Variants in MACROD2 observed in about 807,000 individuals in gnomAD.
MACROD2 encodes ADP-ribose glycohydrolase MACROD2.
Under a neutral mutation model 70.4 loss-of-function variants are expected in MACROD2, and 36 were observed. The observed-to-expected ratio is 0.51, with a 90% CI of 0.39 to 0.68. MACROD2 has a LOEUF of 0.68. Among genes scored for constraint, MACROD2 ranks in the 30% least tolerant of loss-of-function variants. The pLI, the probability that MACROD2 is intolerant of heterozygous loss-of-function variation, is 0.00. For missense variants in MACROD2, 496 were observed against 538.4 expected, an observed-to-expected ratio of 0.92 and a Z score of 0.78; for synonymous variants, 172 against 178.8, an observed-to-expected ratio of 0.96 and a Z score of 0.30.
At position 15,122,504 on chromosome 20, in the gene MACROD2, A is replaced by G. The variant is rs529829053; in HGVS notation, c.419-107436A>G. ...AAAGTCAACAGAGAGGTATTTCTAC[A>G]CTTGCTTAGGAATTATTTGATTAAA... On this transcript the variant is annotated intron_variant, in intron 5 of 17. Transcript: ENST00000684519. Among the ~76,000 whole-genome samples, 3 of 152,336 alleles carry G rather than the reference A, an allele frequency of 2.0e-5. No individual in the cohort carries two copies. The South Asian group carries it at 6.2e-4, about 32-fold the overall frequency.
chr20:14,523,670 C>T (rs1434678994), intron 4 of MACROD2, among the ~76,000 whole-genome samples: 2 of 152,214 alleles, frequency 1.3e-5, no homozygotes, highest in African/African-American at 4.8e-5. Context: ...CCTCTAGTTA[C>T]ACTTCATAAA....
chr20:15,275,853 A>G (rs1449421094), intron 6 of MACROD2, among the ~76,000 whole-genome samples: 1 of 152,168 alleles, frequency 6.6e-6, no homozygotes, highest in African/African-American at 2.4e-5. Context: ...AGTGGGAAAT[A>G]TGGAAACACT....
intron 8 of MACROD2, among the ~76,000 whole-genome samples, chr20:15,815,917 C>T (rs1166053403): frequency 6.6e-6 from 1 of 152,002 alleles, no homozygotes; most frequent in African/African-American, 2.4e-5. Flanking sequence ...CATAATTAGT[C>T]AATTGTAACC....
intron 3 of MACROD2, among the ~76,000 whole-genome samples, chr20:14,322,552 C>T (rs1469321620): frequency 2.0e-5 from 3 of 152,028 alleles, no homozygotes; most frequent in African/African-American, 7.2e-5. Context: ...CAGAAACATT[C>T]CTTATGTTTA....
chr20:15,224,885 A>G (rs1033759268), intron 5 of MACROD2, among the ~76,000 whole-genome samples: 20 of 151,706 alleles, frequency 1.3e-4, no homozygotes, highest in African/African-American at 4.8e-4. Flanking sequence ...GCTTGAATCC[A>G]GGAAGCAGAG....
chr20:15,079,759 G>A (rs1000186559), intron 5 of MACROD2, among the ~76,000 whole-genome samples: 2 of 152,006 alleles, frequency 1.3e-5, no homozygotes, highest in Admixed American at 6.6e-5. Flanking sequence ...GAACATGACT[G>A]GGGAAAAGCT....
At chr20:15,589,589 T>G (rs2048650741) in intron 8 of MACROD2, among the ~76,000 whole-genome samples, 1 of 152,198 alleles carries the variant, frequency 6.6e-6, no homozygotes, top group Non-Finnish European at 1.5e-5. Context: ...GTACATTCTA[T>G]AGGTTGGACA....
intron 5 of MACROD2, among the ~76,000 whole-genome samples, chr20:15,044,029 G>T (rs1009204591): frequency 6.6e-6 from 1 of 152,082 alleles, no homozygotes; most frequent in Non-Finnish European, 1.5e-5. Context: ...TTTTTATGGA[G>T]GTGTCATTAA....
intron 6 of MACROD2, among the ~76,000 whole-genome samples, chr20:15,248,963 A>C (rs572374895): frequency 6.6e-6 from 1 of 152,300 alleles, no homozygotes; most frequent in East Asian, 1.9e-4. Context: ...TCCATGAGGG[A>C]GTAGGGAAGT....
At chr20:14,090,495 C>T (rs2054133432) in intron 3 of MACROD2, among the ~76,000 whole-genome samples, 1 of 151,246 alleles carries the variant, frequency 6.6e-6, no homozygotes, top group Non-Finnish European at 1.5e-5. Flanking sequence ...ATCGCTTGAA[C>T]CCGGGAGGTG....
At chr20:15,905,092 A>G (rs2147252916) in intron 10 of MACROD2, among the ~76,000 whole-genome samples, 1 of 152,304 alleles carries the variant, frequency 6.6e-6, no homozygotes, top group Admixed American at 6.5e-5. Context: ...AATTCTACAA[A>G]CCATCATATT....
chr20:14,296,357 T>G (rs2082427892), intron 3 of MACROD2, among the ~76,000 whole-genome samples: 1 of 151,922 alleles, frequency 6.6e-6, no homozygotes, highest in Non-Finnish European at 1.5e-5. Flanking sequence ...AAGAAGTTCA[T>G]GGCTGCATTA....
At chr20:14,645,312 A>G (rs1414712429) in intron 4 of MACROD2, among the ~76,000 whole-genome samples, 1 of 152,096 alleles carries the variant, frequency 6.6e-6, no homozygotes, top group Non-Finnish European at 1.5e-5. Context: ...GAATGAATGA[A>G]TAATATATTC....
At chr20:15,472,746 T>A (rs2046977754) in intron 7 of MACROD2, among the ~76,000 whole-genome samples, 1 of 152,200 alleles carries the variant, frequency 6.6e-6, no homozygotes, top group South Asian at 2.1e-4. Context: ...GTTTCTTACC[T>A]TATGTTCCAA....
intron 4 of MACROD2, among the ~76,000 whole-genome samples, chr20:14,517,126 A>G (rs775386833): frequency 6.6e-6 from 1 of 152,182 alleles, no homozygotes; most frequent in Non-Finnish European, 1.5e-5. Flanking sequence ...AGAAGACAGT[A>G]TGGCAATCCC....
intron 5 of MACROD2, among the ~76,000 whole-genome samples, chr20:15,021,124 G>GTGTATACACGTGTA (rs2075169468): frequency 9.0e-5 from 9 of 99,908 alleles, no homozygotes; most frequent in Non-Finnish European, 4.2e-5. Flanking sequence ...GTATACACGT[G>GTGTATACACGTGTA]TGTATACACA....
chr20:15,749,292 T>C (rs2051232472), intron 8 of MACROD2, among the ~76,000 whole-genome samples: 1 of 152,116 alleles, frequency 6.6e-6, no homozygotes, highest in Non-Finnish European at 1.5e-5. Flanking sequence ...ATGAAACTTT[T>C]TGAGTGATTA....
intron 5 of MACROD2, among the ~76,000 whole-genome samples, chr20:14,965,453 CTTTTTTT>C (rs532870999): frequency 9.1e-4 from 62 of 68,068 alleles, no homozygotes; most frequent in African/African-American, 1.7e-3. Flanking sequence ...ATTTTTTTTT[CTTTTTTT>C]TTTTTTTTTT....
At chr20:15,763,237 T>C (rs1417643956) in intron 8 of MACROD2, among the ~76,000 whole-genome samples, 4 of 152,156 alleles carry the variant, frequency 2.6e-5, no homozygotes, top group African/African-American at 4.8e-5. Flanking sequence ...GACAGTTCAG[T>C]GCTCCTCTGT....
Sources: allele counts gnomAD v4.1 joint callset (sites outside exome capture counted in the v4.1 genomes callset), GRCh38; gene constraint gnomAD v4.1.1; transcripts MANE v1.5; gene names NCBI Gene and HGNC (gene_info 2026-07-23, HGNC 2026-07-21).